The following FAM174B variants were observed in gnomAD, a reference collection of about 807,000 sequenced individuals.
FAM174B encodes the protein membrane protein FAM174B.
Under a neutral mutation model 10.9 loss-of-function variants are expected in FAM174B, and 12 were observed. The observed-to-expected ratio is 1.10, with a 90% CI of 0.71 to 1.79. The LOEUF is 1.79. FAM174B is among the 40% of genes most tolerant of loss of function. FAM174B has a pLI of 0.00. For missense variants in FAM174B, 266 were observed against 233.3 expected, an observed-to-expected ratio of 1.14 and a Z score of -0.91; for synonymous variants, 132 against 115.8, an observed-to-expected ratio of 1.14 and a Z score of -0.90.
At chr15:92,621,385 G>A (rs2050718413) in intron 2 of FAM174B, among the ~76,000 whole-genome samples, 1 of 152,194 alleles carries the variant, frequency 6.6e-6, no homozygotes. Context: ...GTCAAGGCAG[G>A]AGAATCGCTT....
chr15:92,638,158 T>C (rs1183203528), intron 1 of FAM174B, among the ~76,000 whole-genome samples: 1 of 152,192 alleles, frequency 6.6e-6, no homozygotes, highest in African/African-American at 2.4e-5. Context: ...CTCAACCTGG[T>C]TGAGATGTAA....
chr15:92,628,870 G>A (rs1281831671), intron 2 of FAM174B, among the ~76,000 whole-genome samples: 2 of 152,082 alleles, frequency 1.3e-5, no homozygotes, highest in Non-Finnish European at 2.9e-5. Context: ...TAACAAAAAT[G>A]TATAAAACAT....
At chr15:92,650,336 G>T (rs17647874) in intron 1 of FAM174B, among the ~76,000 whole-genome samples, 2 of 152,020 alleles carry the variant, frequency 1.3e-5, no homozygotes, top group Non-Finnish European at 2.9e-5. Context: ...ACTGACAGCT[G>T]GGCAATGTCA....
At chr15:92,651,001 G>C (rs2050962916) in intron 1 of FAM174B, among the ~76,000 whole-genome samples, 1 of 152,224 alleles carries the variant, frequency 6.6e-6, no homozygotes, top group Non-Finnish European at 1.5e-5. Flanking sequence ...ATTTAAAAAG[G>C]TGGACGTGAT....
At chr15:92,620,552 C>T (rs980712400) in intron 2 of FAM174B, among the ~76,000 whole-genome samples, 3 of 151,784 alleles carry the variant, frequency 2.0e-5, no homozygotes, top group Non-Finnish European at 2.9e-5. Context: ...TGGTGGCTTA[C>T]GCCTGTAATC....
chr15:92,622,114 G>A (rs528503023), intron 2 of FAM174B, among the ~76,000 whole-genome samples: 78 of 152,332 alleles, frequency 5.1e-4, no homozygotes, highest in Non-Finnish European at 9.8e-4. Flanking sequence ...CTGTACCGCT[G>A]CCATGCTGAA....
chr15:92,635,822 CT>C (rs1339745418), intron 1 of FAM174B, among the ~76,000 whole-genome samples: 6 of 152,104 alleles, frequency 3.9e-5, no homozygotes, highest in Admixed American at 1.3e-4. Context: ...CTCAGGTGAT[CT>C]GCCTGCCTCA....
intron 1 of FAM174B, among the ~76,000 whole-genome samples, chr15:92,644,465 T>C (rs769726921): frequency 1.3e-5 from 2 of 152,056 alleles, no homozygotes; most frequent in Admixed American, 6.5e-5. Context: ...AGCCTCCAGA[T>C]CTCCAGCAGC....
chr15:92,617,737 G>A lies in FAM174B; in HGVS notation c.*1719C>T, dbSNP rs778421614. ...GTCACCACTCAGGCCTGAGTACACC[G>A]TGGAGAGGAGAGATAAAGCAGCCAC... is the stretch of plus-strand genomic sequence containing the variant. On this transcript the variant is annotated 3_prime_UTR_variant, in exon 3 of 3. Transcript: ENST00000327355. The A allele has an allele frequency of 3.7e-5, 23 of 618,920 alleles. No homozygotes were observed. Among genetic ancestry groups the A allele is most frequent in the East Asian group, 6.3e-5 (2 of 31,604 alleles). 38.3% of individuals were successfully genotyped at this position (618,920 alleles called of 1,614,324 possible).
chr15:92,635,114 TTCTC>T (rs1416642482), intron 1 of FAM174B, among the ~76,000 whole-genome samples: 2 of 88,120 alleles, frequency 2.3e-5, no homozygotes, highest in Non-Finnish European at 5.5e-5. Flanking sequence ...CTCTCTCTCT[TTCTC>T]TGTCTCTCTC....
At chr15:92,650,169 TTCTTA>T (rs1192306803) in intron 1 of FAM174B, among the ~76,000 whole-genome samples, 1 of 152,220 alleles carries the variant, frequency 6.6e-6, no homozygotes, top group Non-Finnish European at 1.5e-5. Flanking sequence ...TAAATAACTT[TTCTTA>T]TAACAAATGT....
chr15:92,626,139 A>ACAGAGTCTCGCTCTTTCAC (rs373252541), intron 2 of FAM174B, among the ~76,000 whole-genome samples: 5 of 137,398 alleles, frequency 3.6e-5, no homozygotes, highest in African/African-American at 1.1e-4. Flanking sequence ...TTTTTTTGAG[A>ACAGAGTCTCGCTCTTTCAC]CCAGGCCGGA....
Position 92,619,416 on chromosome 15 carries a change from C to G in FAM174B, c.*40G>C. On this transcript the variant is annotated 3_prime_UTR_variant, in exon 3 of 3. Coordinates refer to ENST00000327355, the MANE Select transcript of FAM174B (RefSeq NM_207446.3). Reference sequence around the variant, plus strand: ...CCTTCACACCCCAGGTTGCAGCTGACCAACTTTCCACAGGATGCCACCAGG... The same window carrying G: ...CCTTCACACCCCAGGTTGCAGCTGAGCAACTTTCCACAGGATGCCACCAGG... The G allele has an allele frequency of 6.2e-7, 1 of 1,613,872 alleles. No homozygotes were observed. The highest frequency in any genetic ancestry group is 8.5e-7 in the Non-Finnish European group (1 of 1,179,794).
intron 1 of FAM174B, among the ~76,000 whole-genome samples, chr15:92,652,713 T>C (rs2438193): frequency 0.99 from 150,168 of 152,270 alleles, 74,084 homozygotes; most frequent in East Asian, 1. Flanking sequence ...GAAGCTTCAC[T>C]GGGGAAGGTG....
chr15:92,648,481 G>C (rs1258646486), intron 1 of FAM174B, among the ~76,000 whole-genome samples: 1 of 152,140 alleles, frequency 6.6e-6, no homozygotes. Context: ...GGGAGACCTC[G>C]CTGGACAGGG....
chr15:92,648,068 A>G (rs930866204), intron 1 of FAM174B, among the ~76,000 whole-genome samples: 1 of 152,204 alleles, frequency 6.6e-6, no homozygotes, highest in South Asian at 2.1e-4. Context: ...CCTATGGTCT[A>G]TAAGCCCCAC....
At chr15:92,645,306 G>A (rs781742445) in intron 1 of FAM174B, among the ~76,000 whole-genome samples, 13 of 152,350 alleles carry the variant, frequency 8.5e-5, no homozygotes, top group Non-Finnish European at 1.8e-4. Context: ...TTGACCCCAG[G>A]ATGGGCATGC....
chr15:92,635,097 CCTCT>C (rs548982533), intron 1 of FAM174B, among the ~76,000 whole-genome samples: 7 of 93,136 alleles, frequency 7.5e-5, no homozygotes, highest in Non-Finnish European at 1.3e-4. Flanking sequence ...TTACGATAAG[CCTCT>C]CTCTCTCTCT....
At chr15:92,622,823 C>T (rs1285331029) in intron 2 of FAM174B, among the ~76,000 whole-genome samples, 1 of 152,222 alleles carries the variant, frequency 6.6e-6, no homozygotes, top group African/African-American at 2.4e-5. Context: ...CCACAGCACC[C>T]TGTTCCTTCC....
Sources: allele counts gnomAD v4.1 joint callset (sites outside exome capture counted in the v4.1 genomes callset), GRCh38; gene constraint gnomAD v4.1.1; transcripts MANE v1.5; gene names NCBI Gene and HGNC (gene_info 2026-07-23, HGNC 2026-07-21).